The following SOX6 variants were observed in gnomAD, a reference collection of about 807,000 sequenced individuals.
The protein encoded by SOX6 is SRY-box transcription factor 6.
SOX6 carries 11 observed loss-of-function variants against 97.8 expected under a neutral mutation model. That is an observed-to-expected ratio of 0.11 (90% CI 0.07 to 0.19). SOX6 has a LOEUF of 0.19. SOX6 is among the 10% of genes least tolerant of loss of function. The pLI is 1.00. For synonymous variants in SOX6, 360 were observed against 371.4 expected, an observed-to-expected ratio of 0.97 and a Z score of 0.35; for missense variants, 810 against 1,039.5, an observed-to-expected ratio of 0.78 and a Z score of 3.04.
chr11:16,526,785 G>A (rs546635036), intron 4 of SOX6, among the ~76,000 whole-genome samples: 4 of 151,874 alleles, frequency 2.6e-5, no homozygotes, highest in African/African-American at 9.6e-5. Context: ...TTTTAAACTG[G>A]CAAGAAAATA....
chr11:16,005,202 C>T lies in SOX6; in HGVS notation c.1732+9740G>A, dbSNP rs529252255. On this transcript the variant is annotated intron_variant, in intron 13 of 15. Coordinates refer to ENST00000683767, the MANE Select transcript of SOX6 (RefSeq NM_001367873.1). ...GTTACTAAATAAACCCATAAGTTAA[C>T]TGAAGAATGCAATTTACTCCTTAAT... Among the ~76,000 whole-genome samples, 28 of 152,086 alleles carry T rather than the reference C, an allele frequency of 1.8e-4. No homozygotes were observed. In the South Asian group the frequency reaches 2.3e-3, roughly 12 times the overall value.
intron 3 of SOX6, among the ~76,000 whole-genome samples, chr11:16,616,872 A>C (rs1159732765): frequency 6.6e-5 from 10 of 151,952 alleles, no homozygotes; most frequent in African/African-American, 2.4e-4. Context: ...TAAAAATAGG[A>C]TGTATACTTA....
At chr11:16,160,541 T>C (rs1250823050) in intron 6 of SOX6, among the ~76,000 whole-genome samples, 4 of 152,180 alleles carry the variant, frequency 2.6e-5, no homozygotes, top group Admixed American at 6.5e-5. Flanking sequence ...TAAAATTACT[T>C]TACGGGGTGG....
chr11:15,972,763 G>T lies in SOX6; in HGVS notation c.*46C>A. ...CTCTTTAATAACTCTTTGTTGGGGA[G>T]GGGGGTGAAATGTCAGAGTACTTTA... On this transcript the variant is annotated 3_prime_UTR_variant, in exon 16 of 16. Coordinates refer to ENST00000683767, the MANE Select transcript of SOX6 (RefSeq NM_001367873.1). 4 of 1,595,924 alleles carry T rather than the reference G, an allele frequency of 2.5e-6. No individual in the cohort carries two copies. Among genetic ancestry groups the T allele is most frequent in the Non-Finnish European group, 2.6e-6 (3 of 1,163,912 alleles).
At chr11:16,379,277 A>G (rs1241556241) in intron 1 of SOX6, among the ~76,000 whole-genome samples, 1 of 152,084 alleles carries the variant, frequency 6.6e-6, no homozygotes, top group Non-Finnish European at 1.5e-5. Context: ...GACCAGCCTG[A>G]CCAACATGGA....
intron 3 of SOX6, among the ~76,000 whole-genome samples, chr11:16,292,497 T>C (rs1197491675): frequency 6.6e-6 from 1 of 152,040 alleles, no homozygotes; most frequent in Non-Finnish European, 1.5e-5. Flanking sequence ...ATCATTTCTA[T>C]AGAATAAGTG....
At chr11:16,112,433 A>G (rs1240811159) in intron 6 of SOX6, among the ~76,000 whole-genome samples, 1 of 152,188 alleles carries the variant, frequency 6.6e-6, no homozygotes, top group Non-Finnish European at 1.5e-5. Flanking sequence ...TGTTAAACAT[A>G]TAGCTCTTCA....
intron 6 of SOX6, among the ~76,000 whole-genome samples, chr11:16,128,676 T>C (rs2134016329): frequency 6.6e-6 from 1 of 152,172 alleles, no homozygotes; most frequent in African/African-American, 2.4e-5. Context: ...GAAATATATA[T>C]ATATGCCTTC....
intron 4 of SOX6, among the ~76,000 whole-genome samples, chr11:16,518,930 A>G (rs960835663): frequency 1.3e-5 from 2 of 152,196 alleles, no homozygotes; most frequent in Non-Finnish European, 2.9e-5. Flanking sequence ...ATAAGTCATT[A>G]TCCTTCAAAA....
At chr11:16,126,909 C>T (rs1006868647) in intron 6 of SOX6, among the ~76,000 whole-genome samples, 1 of 152,002 alleles carries the variant, frequency 6.6e-6, no homozygotes, top group African/African-American at 2.4e-5. Flanking sequence ...TTCTTTTGTT[C>T]CTGCCAGCAT....
At chr11:16,534,130 TAA>T (rs1861275338) in intron 4 of SOX6, among the ~76,000 whole-genome samples, 2 of 152,232 alleles carry the variant, frequency 1.3e-5, no homozygotes, top group South Asian at 4.1e-4. Context: ...GCAGAACCAA[TAA>T]GTCCAATATT....
Position 16,234,597 on chromosome 11 carries a change from G to A in SOX6, c.520C>T (p.Leu174Phe). 1 of 1,587,730 alleles carries A rather than the reference G, an allele frequency of 6.3e-7. No individual in the cohort carries two copies. Among genetic ancestry groups the A allele is most frequent in the Non-Finnish European group, 8.6e-7 (1 of 1,159,406 alleles). Residue 174 changes from leucine to phenylalanine, a missense_variant, in exon 4 of 16, where the codon CTT becomes TTT. Coordinates refer to ENST00000683767, the MANE Select transcript of SOX6 (RefSeq NM_001367873.1). ...TATGTTGTACCTTTAATTTCTCCAA[G>A]AAGTTCACTGGTATTTAGTCTTTCC... ...KMERLNTSEL[L>F]GEIKGTPESL...
At chr11:16,498,802 C>A (rs1291743663) in intron 4 of SOX6, among the ~76,000 whole-genome samples, 1 of 152,216 alleles carries the variant, frequency 6.6e-6, no homozygotes, top group Non-Finnish European at 1.5e-5. Context: ...CACCCAGATT[C>A]ATAAAGCAAG....
chr11:16,480,774 T>C (rs1014173126), upstream of SOX6, among the ~76,000 whole-genome samples: 1 of 152,084 alleles, frequency 6.6e-6, no homozygotes, highest in African/African-American at 2.4e-5. Context: ...AGAACTAAAG[T>C]GCTTCCAAAA....
intron 13 of SOX6, among the ~76,000 whole-genome samples, chr11:15,999,768 C>T (rs1176714815): frequency 6.6e-6 from 1 of 152,036 alleles, no homozygotes; most frequent in Non-Finnish European, 1.5e-5. Flanking sequence ...TATTGGGTTG[C>T]TTGATGGAAC....
intron 13 of SOX6, among the ~76,000 whole-genome samples, chr11:16,006,716 T>A (rs1854565695): frequency 1.3e-5 from 2 of 152,126 alleles, no homozygotes; most frequent in South Asian, 4.1e-4. Context: ...GAACATTTAA[T>A]GCCTTAAACT....
intron 4 of SOX6, among the ~76,000 whole-genome samples, chr11:16,188,532 C>T (rs1292229838): frequency 2.6e-5 from 4 of 152,056 alleles, no homozygotes; most frequent in African/African-American, 9.7e-5. Context: ...ATCATAAGAT[C>T]CATAAGATCT....
At chr11:16,238,915 T>C (rs931464233) in intron 3 of SOX6, among the ~76,000 whole-genome samples, 1 of 152,114 alleles carries the variant, frequency 6.6e-6, no homozygotes, top group Admixed American at 6.6e-5. Context: ...TTCCTTTTAT[T>C]TTTACCATAG....
intron 3 of SOX6, among the ~76,000 whole-genome samples, chr11:16,652,561 T>A (rs1418096233): frequency 2.0e-5 from 3 of 152,100 alleles, no homozygotes; most frequent in Non-Finnish European, 1.5e-5. Context: ...GTAAGCCACA[T>A]GTAGAGGAAT....
Sources: allele counts gnomAD v4.1 joint callset (sites outside exome capture counted in the v4.1 genomes callset), GRCh38; gene constraint gnomAD v4.1.1; transcripts MANE v1.5; gene names NCBI Gene and HGNC (gene_info 2026-07-23, HGNC 2026-07-21).